Variants in ADD2 observed in about 807,000 individuals in gnomAD.
ADD2 encodes beta-adducin.
A neutral mutation model predicts 83.0 loss-of-function variants in ADD2; 23 were observed. The observed-to-expected ratio is 0.28, with a 90% confidence interval of 0.20 to 0.39. The LOEUF is 0.39. Ranked by LOEUF, ADD2 falls within the 10% of genes least tolerant of loss-of-function variation. The probability of loss-of-function intolerance (pLI) is 1.00; values close to 1 mark genes in which losing one functional copy is unlikely to be tolerated. For missense variants in ADD2, 758 were observed against 944.9 expected (o/e 0.80, Z 2.59); for synonymous variants, 375 against 375.4 (o/e 1.00, Z 0.01).
chr2:70,687,786 A>G (rs1170006358), intron 9 of ADD2, among the ~76,000 whole-genome samples: 1 of 152,206 alleles, frequency 6.6e-6, no homozygotes, highest in Non-Finnish European at 1.5e-5. Context: ...GACCCCTAAG[A>G]AGTGGGTATT....
intron 8 of ADD2, among the ~76,000 whole-genome samples, chr2:70,689,712 A>G (rs1165674285): frequency 2.6e-5 from 4 of 152,210 alleles, no homozygotes; most frequent in African/African-American, 9.7e-5. Flanking sequence ...GACAGCGGCA[A>G]AGCATCCATC....
intron 1 of ADD2, among the ~76,000 whole-genome samples, chr2:70,724,555 G>A (rs538689057): frequency 2.6e-5 from 4 of 152,162 alleles, no homozygotes; most frequent in Non-Finnish European, 4.4e-5. Flanking sequence ...GGCTCCCTGG[G>A]CTGCTCCCCC....
At chr2:70,713,755 G>A (rs571212415) in intron 1 of ADD2, among the ~76,000 whole-genome samples, 84 of 152,230 alleles carry the variant, frequency 5.5e-4, no homozygotes, top group African/African-American at 1.9e-3. Context: ...GGTGGAGGGC[G>A]CAGAATGTGG....
rs60153812 is a variant in ADD2 at position 70,750,567 on chromosome 2, T to C, written c.-154+17319A>G. ...TGTGATGACAGAGGTAGAGACTGGATTGATGTAGCTGCAAGCCAAGGAATG... is the reference window on the plus strand; with the variant it reads ...TGTGATGACAGAGGTAGAGACTGGACTGATGTAGCTGCAAGCCAAGGAATG... On this transcript the variant is annotated intron_variant, in intron 1 of 15. Coordinates refer to ENST00000264436, the MANE Select transcript of ADD2 (RefSeq NM_001617.4). 2.4e-3 allele frequency among the ~76,000 whole-genome samples: 359 copies of C among 152,156 alleles called. 2 individuals are homozygous for C. The highest frequency in any genetic ancestry group is 8.2e-3 in the African/African-American group (341 of 41,528).
chr2:70,694,968 C>A (rs1671236615), intron 6 of ADD2, among the ~76,000 whole-genome samples: 1 of 152,066 alleles, frequency 6.6e-6, no homozygotes, highest in African/African-American at 2.4e-5. Context: ...CTTGTGCAAG[C>A]TGCTTACCCT....
In ADD2 at chr2:70,765,258, C is replaced by T. The variant is rs535394623; in HGVS notation, c.-154+2628G>A. 2.8e-3 allele frequency among the ~76,000 whole-genome samples: 424 copies of T among 152,242 alleles called. 12 individuals carry two copies. The highest frequency in any genetic ancestry group is 9.2e-3 in the African/African-American group (384 of 41,550). ...GTCCCAGCTATTCGGGAGGCTGAGG[C>T]GTGAGAATCACTTGAAGCCAGGAGG... On this transcript the variant is annotated intron_variant, in intron 1 of 15. Coordinates refer to ENST00000264436, the MANE Select transcript of ADD2 (RefSeq NM_001617.4).
intron 1 of ADD2, among the ~76,000 whole-genome samples, chr2:70,713,649 A>G (rs1359959389): frequency 1.3e-5 from 2 of 152,166 alleles, no homozygotes; most frequent in Non-Finnish European, 2.9e-5. Context: ...TATCTTTACA[A>G]TTGGGATCAA....
intron 1 of ADD2, among the ~76,000 whole-genome samples, chr2:70,739,125 A>G (rs1673739690): frequency 6.6e-6 from 1 of 152,192 alleles, no homozygotes; most frequent in Admixed American, 6.5e-5. Flanking sequence ...GGGCAGAAAT[A>G]TTTGCAAACA....
At chr2:70,667,859 T>C (rs543283542) in intron 15 of ADD2, among the ~76,000 whole-genome samples, 16 of 152,208 alleles carry the variant, frequency 1.1e-4, no homozygotes, top group African/African-American at 3.9e-4. Flanking sequence ...CCTCAGGCGA[T>C]CCACCAGCCT....
At chr2:70,704,550 G>T in intron 3 of ADD2, 91 bp from the exon 4 acceptor site, 1 of 1,524,800 alleles carries the variant, frequency 6.6e-7, no homozygotes, top group South Asian at 1.2e-5. Context: ...CCTTGCCCCT[G>T]GGTCAGCTAG....
intron 1 of ADD2, among the ~76,000 whole-genome samples, chr2:70,744,189 C>A (rs1553381563): frequency 6.6e-6 from 1 of 152,108 alleles, no homozygotes; most frequent in Non-Finnish European, 1.5e-5. Flanking sequence ...TGAATAAACC[C>A]TATAGATTAG....
intron 1 of ADD2, chr2:70,760,474 T>C (rs1553384652): frequency 6.6e-6 from 1 of 152,250 alleles, no homozygotes; most frequent in African/African-American, 2.4e-5. Context: ...ATGGAGATGT[T>C]ATAACAATGA....
chr2:70,730,350 G>A (rs903623277), intron 1 of ADD2, among the ~76,000 whole-genome samples: 12 of 152,320 alleles, frequency 7.9e-5, no homozygotes, highest in African/African-American at 2.6e-4. Flanking sequence ...CCCTCCACCC[G>A]TCATGGGCCT....
chr2:70,712,465 A>AAAT (rs1558552197), intron 2 of ADD2, among the ~76,000 whole-genome samples: 6 of 150,278 alleles, frequency 4.0e-5, no homozygotes, highest in Non-Finnish European at 5.9e-5. Flanking sequence ...ATAAATAAAA[A>AAAT]AAAAAAAAAA....
Position 70,663,336 on chromosome 2 carries a change from T to TC in ADD2, c.*88dup. On this transcript the variant is annotated 3_prime_UTR_variant, in exon 16 of 16. Coordinates refer to ENST00000264436, the MANE Select transcript of ADD2 (RefSeq NM_001617.4). ...GTGGTCCAGGGTCCTACTCTATCCCTCCTTAGCCCTGTGCTTGCAGGGACA... is the reference window on the plus strand; with the variant it reads ...GTGGTCCAGGGTCCTACTCTATCCCTCCCTTAGCCCTGTGCTTGCAGGGACA... 1 of 1,420,716 alleles carries TC rather than the reference T, an allele frequency of 7.0e-7. No individual in the cohort carries two copies. The highest frequency in any genetic ancestry group is 1.4e-5 in the African/African-American group (1 of 69,900). The allele number at this position is 1,420,716 out of a possible 1,614,324, so 88.0% of individuals were successfully genotyped here. A position where few individuals can be genotyped will look rare whatever the true frequency, so the allele number is the denominator to read the frequency against.
chr2:70,709,130 C>A (rs1375074232), intron 2 of ADD2, among the ~76,000 whole-genome samples: 1 of 152,060 alleles, frequency 6.6e-6, no homozygotes, highest in Admixed American at 6.6e-5. Flanking sequence ...CCACCATGGC[C>A]CACTTCTGCA....
At chr2:70,720,561 A>G (rs1672685588) in intron 1 of ADD2, among the ~76,000 whole-genome samples, 2 of 152,126 alleles carry the variant, frequency 1.3e-5, no homozygotes, top group Non-Finnish European at 1.5e-5. Context: ...CTCTAAATCT[A>G]TCATTTTTCT....
intron 4 of ADD2, among the ~76,000 whole-genome samples, chr2:70,697,725 T>C (rs1445453096): frequency 1.3e-5 from 2 of 152,106 alleles, no homozygotes; most frequent in Non-Finnish European, 2.9e-5. Context: ...TGACGTGGTC[T>C]ACAAAAGCGA....
At chr2:70,753,850 T>C (rs1674639757) in intron 1 of ADD2, among the ~76,000 whole-genome samples, 1 of 152,204 alleles carries the variant, frequency 6.6e-6, no homozygotes, top group South Asian at 2.1e-4. Flanking sequence ...CTCCAAAATG[T>C]CCTCATGTTC....
Sources: gnomAD v4.1 joint callset for allele counts (sites outside exome capture counted in the v4.1 genomes callset) on GRCh38, gnomAD v4.1.1 for gene constraint, MANE v1.5 for transcripts, NCBI Gene and HGNC (gene_info 2026-07-23, HGNC 2026-07-21) for gene names.